The following ANKRD11 variants were observed in gnomAD, a reference collection of about 807,000 sequenced individuals.
ANKRD11 encodes ankyrin repeat domain-containing protein 11.
Under a neutral mutation model 195.7 loss-of-function variants are expected in ANKRD11, and 17 were observed. That is an observed-to-expected ratio of 0.09 (90% CI 0.06 to 0.13). The LOEUF is 0.13. ANKRD11 is among the 10% of genes least tolerant of loss of function. The probability of loss-of-function intolerance (pLI) is 1.00; values close to 1 mark genes in which losing one functional copy is unlikely to be tolerated. For missense variants in ANKRD11, 3,735 were observed against 3,566.1 expected (o/e 1.05, Z -1.21); for synonymous variants, 1,953 against 1,528.1 (o/e 1.28, Z -6.49).
At chr16:89,299,795 TGTGGGGTACCTGCCCTGTGTGGGCTGC>T (rs1461682680) in intron 4 of ANKRD11, 4 of 174,370 alleles carry the variant, frequency 2.3e-5, no homozygotes, top group Non-Finnish European at 4.3e-5. Flanking sequence ...CTGTGCCCTG[TGTGGGGTACCTGCCCTGTGTGGGCTGC>T]GTGGGGTCTG....
Position 89,305,352 on chromosome 16 carries a change from A to C in ANKRD11, c.88-8T>G, listed in dbSNP as rs756275140. 1.2e-5 allele frequency: 19 copies of C among 1,613,922 alleles called. No homozygotes were observed. Among genetic ancestry groups the C allele is most frequent in the Middle Eastern group, 3.3e-4 (2 of 6,058 alleles). On this transcript the variant is annotated splice_polypyrimidine_tract_variant and splice_region_variant and intron_variant, in intron 3 of 12. Coordinates refer to ENST00000301030, the MANE Select transcript of ANKRD11 (RefSeq NM_013275.6). Reference sequence around the variant, plus strand: ...AGAAACTTTATCTTTATCCTAGAAAAGAAAGGGATGCTTTCAGTCGTGATG... The same window carrying C: ...AGAAACTTTATCTTTATCCTAGAAACGAAAGGGATGCTTTCAGTCGTGATG...
At chr16:89,389,895 G>A (rs1207660868) in intron 2 of ANKRD11, among the ~76,000 whole-genome samples, 5 of 124,864 alleles carry the variant, frequency 4.0e-5, no homozygotes, top group African/African-American at 9.6e-5. Context: ...AGTGTGGCGG[G>A]GAGCACCGAG....
At chr16:89,469,170 G>A (rs897353487) in intron 1 of ANKRD11, among the ~76,000 whole-genome samples, 2 of 151,472 alleles carry the variant, frequency 1.3e-5, no homozygotes, top group Non-Finnish European at 2.9e-5. Flanking sequence ...ACAGGGCGAG[G>A]CTCTGTTTCA....
intron 2 of ANKRD11, among the ~76,000 whole-genome samples, chr16:89,389,297 T>A (rs1235489582): frequency 6.6e-6 from 1 of 151,990 alleles, no homozygotes; most frequent in African/African-American, 2.4e-5. Flanking sequence ...AGTGCTGGGA[T>A]TACAGGCGTG....
intron 2 of ANKRD11, among the ~76,000 whole-genome samples, chr16:89,398,688 G>T (rs1022497435): frequency 6.6e-6 from 1 of 152,162 alleles, no homozygotes. Context: ...GCTGCAGTGA[G>T]CTATATGACT....
chr16:89,397,466 C>G (rs1056774662), intron 2 of ANKRD11, among the ~76,000 whole-genome samples: 1 of 152,264 alleles, frequency 6.6e-6, no homozygotes. Flanking sequence ...GGGGGACCCA[C>G]AGGAAGCAGG....
At chr16:89,398,205 T>TCAA (rs2041533082) in intron 2 of ANKRD11, among the ~76,000 whole-genome samples, 1 of 150,972 alleles carries the variant, frequency 6.6e-6, no homozygotes, top group East Asian at 2.0e-4. Flanking sequence ...GTGAAACAGC[T>TCAA]GAAGATTACC....
At chr16:89,452,240 AGAGT>A (rs1237044033) in intron 1 of ANKRD11, among the ~76,000 whole-genome samples, 2 of 152,128 alleles carry the variant, frequency 1.3e-5, no homozygotes, top group Admixed American at 6.5e-5. Context: ...CCTGGGCAAC[AGAGT>A]GAGACTCTGT....
chr16:89,282,013 G>A lies in ANKRD11; in HGVS notation c.4529C>T (p.Pro1510Leu), dbSNP rs770592504. Residue 1510 changes from proline (P) to leucine (L), a missense_variant, in exon 9 of 13, where the codon CCG becomes CTG. By Grantham distance (98) the Pro-to-Leu change is moderately conservative. Coordinates refer to ENST00000301030, the MANE Select transcript of ANKRD11 (RefSeq NM_013275.6). ...QKPATRDKDS[P>L]PRVLKDKSRD... Reference sequence around the variant, plus strand: ...GGACTTGTCTTTGAGCACGCGGGGCGGGCTGTCCTTGTCCCTGGTGGCGGG... The same window carrying A: ...GGACTTGTCTTTGAGCACGCGGGGCAGGCTGTCCTTGTCCCTGGTGGCGGG... 28 of 1,613,206 alleles carry A rather than the reference G, an allele frequency of 1.7e-5. No homozygotes were observed. Among genetic ancestry groups the A allele is most frequent in the Middle Eastern group, 1.6e-4 (1 of 6,084 alleles).
intron 1 of ANKRD11, among the ~76,000 whole-genome samples, chr16:89,427,859 AG>A (rs1356932869): frequency 6.6e-6 from 1 of 152,064 alleles, no homozygotes; most frequent in Non-Finnish European, 1.5e-5. Context: ...TTAATTATTA[AG>A]GGGGCAAAAT....
At position 89,479,578 on chromosome 16, in the gene ANKRD11, T is replaced by C. The variant is rs2057374033; in HGVS notation, c.-145+10667A>G. Among the ~76,000 whole-genome samples the C allele has an allele frequency of 3.3e-5, 5 of 151,444 alleles. No individual in the cohort carries two copies. In the South Asian group the frequency reaches 1.0e-3, roughly 31 times the overall value. On this transcript the variant is annotated intron_variant, in intron 1 of 12. Transcript: ENST00000301030. The stretch of plus-strand genomic sequence containing the variant: ...TGAACCCAGGAGGCGGAGGTTGCAG[T>C]GAGCTGAGATCACACCACTGCACTC...
rs747275409 is a variant in ANKRD11 at position 89,285,600 on chromosome 16, G to A, written c.942C>T (p.Val314=). ...DAPSFAPSSS[V]DGNNTDSEFE... ...ACTCGGAGTCCGTGTTGTTGCCGTC[G>A]ACTGAACTGGAAGGTGCGAAGGATG... Residue 314 remains valine, a synonymous_variant, in exon 9 of 13, where the codon GTC becomes GTT. Coordinates refer to ENST00000301030, the MANE Select transcript of ANKRD11 (RefSeq NM_013275.6). The surrounding 1 kb of genome is among the most constrained non-coding windows in gnomAD (Gnocchi z 5.6). The A allele has an allele frequency of 5.0e-6, 8 of 1,614,094 alleles. No individual in the cohort carries two copies. Among genetic ancestry groups the A allele is most frequent in the East Asian group, 2.2e-5 (1 of 44,882 alleles).
At chr16:89,476,537 T>C (rs1052751750) in intron 1 of ANKRD11, among the ~76,000 whole-genome samples, 7 of 152,216 alleles carry the variant, frequency 4.6e-5, no homozygotes, top group African/African-American at 1.7e-4. Flanking sequence ...CGCCTACGCT[T>C]GCTTCTAACC....
intron 2 of ANKRD11, among the ~76,000 whole-genome samples, chr16:89,363,207 T>G (rs1197943054): frequency 6.6e-6 from 1 of 152,224 alleles, no homozygotes; most frequent in African/African-American, 2.4e-5. Context: ...AAAAGAATTC[T>G]GATCAGAAAT....
At chr16:89,292,518 G>A (rs908473236) in intron 4 of ANKRD11, among the ~76,000 whole-genome samples, 3 of 152,150 alleles carry the variant, frequency 2.0e-5, no homozygotes, top group African/African-American at 4.8e-5. Context: ...TTAGGAATTC[G>A]GTCTGGGGCA....
intron 11 of ANKRD11, 57 bp from the exon 12 acceptor site, chr16:89,270,966 G>T: frequency 1.3e-6 from 2 of 1,557,160 alleles, no homozygotes; most frequent in Admixed American, 1.7e-5. Context: ...CTACGGGAAG[G>T]CATGCCAGCC....
At chr16:89,293,605 C>A (rs1192421964) in intron 4 of ANKRD11, among the ~76,000 whole-genome samples, 1 of 81,232 alleles carries the variant, frequency 1.2e-5, no homozygotes, top group East Asian at 4.6e-4. Context: ...GTTGGGGCTG[C>A]GGAGGGAGGA....
At chr16:89,278,402 G>A (rs2033842944) in intron 9 of ANKRD11, 2 of 406,290 alleles carry the variant, frequency 4.9e-6, no homozygotes, top group South Asian at 3.6e-5. Context: ...TCAGAGCAGG[G>A]CCCCATTTGG....
intron 2 of ANKRD11, among the ~76,000 whole-genome samples, chr16:89,344,238 G>A (rs1438603455): frequency 6.6e-6 from 1 of 152,152 alleles, no homozygotes; most frequent in African/African-American, 2.4e-5. Context: ...AATTACATCT[G>A]CACGGTGCTT....
Sources: allele counts gnomAD v4.1 joint callset (sites outside exome capture counted in the v4.1 genomes callset), GRCh38; gene constraint gnomAD v4.1.1; non-coding constraint Gnocchi (gnomAD v3.1); transcripts MANE v1.5; gene names NCBI Gene and HGNC (gene_info 2026-07-23, HGNC 2026-07-21).